Variants in PLA2G4E observed in about 807,000 individuals in gnomAD.
PLA2G4E encodes cytosolic phospholipase A2 epsilon.
A neutral mutation model predicts 109.1 loss-of-function variants in PLA2G4E; 84 were observed. That is an observed-to-expected ratio of 0.77 (90% CI 0.65 to 0.92). The LOEUF is 0.92. Ranked by LOEUF, PLA2G4E falls within the 40% of genes least tolerant of loss-of-function variation. The pLI, the probability that PLA2G4E is intolerant of heterozygous loss-of-function variation, is 0.00. For synonymous variants in PLA2G4E, 469 were observed against 436.1 expected (o/e 1.08, Z -0.94); for missense variants, 1,057 against 1,076.6 (o/e 0.98, Z 0.25).
intron 1 of PLA2G4E, among the ~76,000 whole-genome samples, chr15:42,020,469 A>T (rs1299229193): frequency 6.6e-6 from 1 of 152,238 alleles, no homozygotes; most frequent in Non-Finnish European, 1.5e-5. Flanking sequence ...CTGTAAACCC[A>T]GGTGGGCAGC....
intron 1 of PLA2G4E, among the ~76,000 whole-genome samples, chr15:42,023,198 C>T (rs1010054846): frequency 1.3e-5 from 2 of 151,098 alleles, no homozygotes; most frequent in African/African-American, 4.9e-5. Context: ...TGTGAAAGAA[C>T]AAATCTGGAA....
At chr15:41,995,374 T>A (rs182667722) in exon 12 of PLA2G4E, 24 of 1,613,418 alleles carry the variant, frequency 1.5e-5, no homozygotes, top group Non-Finnish European at 2.0e-5. Context: ...TGGCCCCTGA[T>A]AGACCGGTGA....
At chr15:41,998,198 C>T (rs1226670074) in intron 10 of PLA2G4E, 1 of 152,274 alleles carries the variant, frequency 6.6e-6, no homozygotes, top group African/African-American at 2.4e-5. Context: ...GACAAAGCCA[C>T]ATCTCCTTGA....
intron 11 of PLA2G4E, 107 bp from the exon 12 acceptor site, chr15:41,995,603 G>A: frequency 6.9e-7 from 1 of 1,439,690 alleles, no homozygotes; most frequent in Non-Finnish European, 9.5e-7. Context: ...AGGCAGAGCT[G>A]GCTACAGAGG....
At chr15:41,988,886 A>T (rs146920372) in intron 15 of PLA2G4E, among the ~76,000 whole-genome samples, 1 of 152,296 alleles carries the variant, frequency 6.6e-6, no homozygotes, top group East Asian at 1.9e-4. Flanking sequence ...CAGACAACTA[A>T]TTTAAATAAG....
chr15:42,017,470 T>A (rs1387518198), intron 1 of PLA2G4E, among the ~76,000 whole-genome samples: 1 of 152,236 alleles, frequency 6.6e-6, no homozygotes, highest in African/African-American at 2.4e-5. Flanking sequence ...TTATCTTGCT[T>A]AATCCTTACA....
chr15:41,994,305 G>GA (rs964672530), intron 12 of PLA2G4E, among the ~76,000 whole-genome samples: 4 of 151,830 alleles, frequency 2.6e-5, no homozygotes, highest in Admixed American at 1.3e-4. Flanking sequence ...CTGCCCCCCG[G>GA]GGGGGTGTGT....
intron 1 of PLA2G4E, among the ~76,000 whole-genome samples, chr15:42,048,644 T>G (rs925747952): frequency 6.6e-6 from 1 of 152,120 alleles, no homozygotes; most frequent in Non-Finnish European, 1.5e-5. Flanking sequence ...GTGATAACAA[T>G]GACAGCGAGC....
chr15:41,991,431 C>A (rs1347501173), intron 13 of PLA2G4E, among the ~76,000 whole-genome samples: 1 of 151,444 alleles, frequency 6.6e-6, no homozygotes, highest in African/African-American at 2.4e-5. Flanking sequence ...CAAACCCATC[C>A]TGACTGAATC....
intron 1 of PLA2G4E, among the ~76,000 whole-genome samples, chr15:42,014,508 C>A (rs888512560): frequency 6.6e-6 from 1 of 152,206 alleles, no homozygotes; most frequent in Non-Finnish European, 1.5e-5. Flanking sequence ...CTTGCCCAGG[C>A]AAGATGGCAG....
intron 2 of PLA2G4E, 101 bp from the exon 3 acceptor site, chr15:42,007,966 C>A: frequency 7.7e-7 from 1 of 1,301,112 alleles, no homozygotes; most frequent in Non-Finnish European, 1.1e-6. Flanking sequence ...GGCCCCATCT[C>A]AGCTCCAGTT....
chr15:41,986,705 G>A (rs1374463788), intron 17 of PLA2G4E, among the ~76,000 whole-genome samples: 3 of 151,874 alleles, frequency 2.0e-5, no homozygotes, highest in Admixed American at 1.3e-4. Context: ...TTTTTTTTAA[G>A]AGATGGGGTC....
chr15:41,988,215 AT>A, intron 15 of PLA2G4E, 59 bp from the exon 16 acceptor site: 1 of 1,284,756 alleles, frequency 7.8e-7, no homozygotes, highest in Admixed American at 2.0e-5. Context: ...CCACACTGAC[AT>A]TTGATTCCCC....
chr15:41,989,504 GC>G lies in PLA2G4E; in HGVS notation c.1633del (p.Ala545ProfsTer18). 6.2e-7 allele frequency: 1 copy of G among 1,613,882 alleles called. No individual in the cohort carries two copies. The highest frequency in any genetic ancestry group is 8.5e-7 in the Non-Finnish European group (1 of 1,179,824). The stretch of plus-strand genomic sequence containing the variant: ...GCCGAAGAGCTCGGAGGGGATGAAG[GC>G]CCCATACTTCTGCAGGCCCACCTCG... On this transcript the variant is annotated frameshift_variant, in exon 15 of 20. Transcript: ENST00000399518. LOFTEE classifies it high-confidence loss of function.
intron 2 of PLA2G4E, among the ~76,000 whole-genome samples, chr15:42,010,476 T>C (rs1362759373): frequency 6.6e-6 from 1 of 152,242 alleles, no homozygotes. Context: ...CTGCTTCCCC[T>C]GTCCACCCCC....
intron 9 of PLA2G4E, 24 bp downstream of exon 9, chr15:41,999,893 C>T: frequency 1.3e-6 from 2 of 1,587,074 alleles, no homozygotes; most frequent in South Asian, 1.1e-5. Context: ...AAGTCAGGGG[C>T]CCTTCCCAGA....
chr15:41,986,339 C>T (rs887867352), intron 17 of PLA2G4E, among the ~76,000 whole-genome samples: 1 of 152,202 alleles, frequency 6.6e-6, no homozygotes, highest in African/African-American at 2.4e-5. Context: ...CAGCCATTTG[C>T]AGGCCACGGC....
At chr15:42,046,935 A>T (rs1889426838) in intron 1 of PLA2G4E, among the ~76,000 whole-genome samples, 1 of 152,088 alleles carries the variant, frequency 6.6e-6, no homozygotes, top group South Asian at 2.1e-4. Context: ...ACAATATGCT[A>T]CTCAGTAATG....
chr15:42,007,025 GC>G (rs967898349), intron 3 of PLA2G4E, among the ~76,000 whole-genome samples: 1 of 152,116 alleles, frequency 6.6e-6, no homozygotes, highest in Non-Finnish European at 1.5e-5. Context: ...TAAGTATAAA[GC>G]CCTTCTTGAA....
Sources: allele counts gnomAD v4.1 joint callset (sites outside exome capture counted in the v4.1 genomes callset), GRCh38; gene constraint gnomAD v4.1.1; transcripts MANE v1.5; gene names NCBI Gene and HGNC (gene_info 2026-07-23, HGNC 2026-07-21).